Variants in FRMPD2 observed in about 807,000 individuals in gnomAD.
FRMPD2 encodes the protein FERM and PDZ domain containing 2, also known as FERM and PDZ domain-containing protein 2.
A neutral mutation model predicts 140.1 loss-of-function variants in FRMPD2; 96 were observed. That is an observed-to-expected ratio of 0.69 (90% CI 0.58 to 0.81). The LOEUF is 0.81. Among genes scored for constraint, FRMPD2 ranks in the 40% least tolerant of loss-of-function variants. The probability of loss-of-function intolerance (pLI) is 0.00; values close to 1 mark genes in which losing one functional copy is unlikely to be tolerated. For synonymous variants in FRMPD2, 449 were observed against 547.6 expected, an observed-to-expected ratio of 0.82 and a Z score of 2.52; for missense variants, 1,240 against 1,447.4, an observed-to-expected ratio of 0.86 and a Z score of 2.32.
At position 48,221,639 on chromosome 10, in the gene FRMPD2, A is replaced by T. The variant is rs979519635; in HGVS notation, c.1455+674T>A. 1.1e-4 allele frequency among the ~76,000 whole-genome samples: 16 copies of T among 152,250 alleles called. 1 individual carries two copies. Among genetic ancestry groups the T allele is most frequent in the African/African-American group, 3.9e-4 (16 of 41,474 alleles). On this transcript the variant is annotated intron_variant, in intron 12 of 28. Transcript: ENST00000374201. Reference sequence around the variant, plus strand: ...TTAAAAATAAAGGTTGGCTATTACTATTGATGATGGTGATTATGATAGGAA... The same window carrying T: ...TTAAAAATAAAGGTTGGCTATTACTTTTGATGATGGTGATTATGATAGGAA...
chr10:48,224,781 A>G (rs1364115426), intron 10 of FRMPD2, among the ~76,000 whole-genome samples: 1 of 152,174 alleles, frequency 6.6e-6, no homozygotes, highest in African/African-American at 2.4e-5. Context: ...CAGGTAGGAG[A>G]TAAGTGGATT....
intron 26 of FRMPD2, among the ~76,000 whole-genome samples, chr10:48,170,440 C>T (rs1227847267): frequency 6.6e-6 from 1 of 152,176 alleles, no homozygotes; most frequent in African/African-American, 2.4e-5. Context: ...CCCACTCTTC[C>T]TAGCCCTAGG....
At chr10:48,237,125 TA>T (rs10563330) in intron 8 of FRMPD2, among the ~76,000 whole-genome samples, 11,992 of 131,436 alleles carry the variant, frequency 0.091, 1,281 homozygotes, top group African/African-American at 0.27. Flanking sequence ...TCCTCACCTT[TA>T]AAAAAAAAAA....
In FRMPD2 at chr10:48,192,828, A is replaced by G; in HGVS notation, c.2021T>C (p.Ile674Thr). 1 of 1,614,134 alleles carries G rather than the reference A, an allele frequency of 6.2e-7. No homozygotes were observed. Among genetic ancestry groups the G allele is most frequent in the Non-Finnish European group, 8.5e-7 (1 of 1,180,018 alleles). The part of the protein sequence containing the change: ...PAHQARSKPL[I>T]WIQRLSCSEN... The stretch of plus-strand genomic sequence containing the variant: ...TGAGCATGACAATCTCTGAATCCAA[A>G]TGAGAGGCTTAGACCGGGCCTGGTG... The change falls in exon 16 of 29, where the codon ATT becomes ACT. Residue 674 changes from isoleucine to threonine, a missense_variant. This residue lies in a region of FRMPD2 where 1,161 missense variants were observed against 1,055.9 expected (regional missense o/e 1.10). Coordinates refer to ENST00000374201, the MANE Select transcript of FRMPD2 (RefSeq NM_001018071.4).
At chr10:48,251,490 C>A in intron 2 of FRMPD2, 76 bp downstream of exon 2, 1 of 1,563,192 alleles carries the variant, frequency 6.4e-7, no homozygotes, top group Non-Finnish European at 8.7e-7. Flanking sequence ...AAAGCAGCAG[C>A]AGCCAGAACT....
At chr10:48,246,767 AG>A in intron 3 of FRMPD2, among the ~76,000 whole-genome samples, 1 of 152,200 alleles carries the variant, frequency 6.6e-6, no homozygotes, top group Non-Finnish European at 1.5e-5. Context: ...CCTAGCTCCT[AG>A]CTGCCCAACC....
intron 13 of FRMPD2, among the ~76,000 whole-genome samples, chr10:48,207,691 C>T (rs761936885): frequency 6.6e-6 from 1 of 152,142 alleles, no homozygotes; most frequent in Non-Finnish European, 1.5e-5. Context: ...CGCCAGTCCC[C>T]ATCAGAAGGT....
At chr10:48,241,171 G>A (rs922322312) in intron 5 of FRMPD2, among the ~76,000 whole-genome samples, 12 of 152,092 alleles carry the variant, frequency 7.9e-5, no homozygotes, top group African/African-American at 2.7e-4. Context: ...GAGAGAAGGG[G>A]TCCAAGAAGG....
At chr10:48,195,807 A>G (rs933522036) in intron 15 of FRMPD2, among the ~76,000 whole-genome samples, 1 of 152,270 alleles carries the variant, frequency 6.6e-6, no homozygotes, top group Non-Finnish European at 1.5e-5. Flanking sequence ...AACATGTATT[A>G]ACCACTTCCC....
intron 15 of FRMPD2, among the ~76,000 whole-genome samples, chr10:48,200,878 C>T (rs574537027): frequency 1.4e-4 from 21 of 152,184 alleles, no homozygotes; most frequent in Admixed American, 3.3e-4. Flanking sequence ...AGTAGACATC[C>T]ATGGGCAGCA....
At chr10:48,199,195 T>C (rs945408256) in intron 15 of FRMPD2, among the ~76,000 whole-genome samples, 30 of 150,386 alleles carry the variant, frequency 2.0e-4, no homozygotes, top group African/African-American at 7.1e-4. Context: ...CACATAATAT[T>C]CCCATTTAAC....
At chr10:48,246,765 C>T (rs1427933367) in intron 3 of FRMPD2, among the ~76,000 whole-genome samples, 1 of 152,196 alleles carries the variant, frequency 6.6e-6, no homozygotes, top group Non-Finnish European at 1.5e-5. Flanking sequence ...CTCCTAGCTC[C>T]TAGCTGCCCA....
At chr10:48,257,298 G>A (rs539167577) in intron 1 of FRMPD2, among the ~76,000 whole-genome samples, 76 of 145,972 alleles carry the variant, frequency 5.2e-4, no homozygotes, top group African/African-American at 1.9e-3. Context: ...ATTATTATTT[G>A]AGGCAGAGTT....
intron 9 of FRMPD2, 101 bp downstream of exon 9, chr10:48,236,381 G>T: frequency 1.1e-6 from 1 of 916,790 alleles, no homozygotes; most frequent in Non-Finnish European, 1.8e-6. Flanking sequence ...ATGCCACTGG[G>T]GTGTTCCCAT....
intron 13 of FRMPD2, among the ~76,000 whole-genome samples, chr10:48,209,858 C>A (rs886325010): frequency 3.3e-5 from 5 of 151,906 alleles, no homozygotes; most frequent in Non-Finnish European, 7.4e-5. Flanking sequence ...TATTGGAAAC[C>A]ATTTATATGT....
chr10:48,233,248 T>A (rs572944136), intron 9 of FRMPD2, among the ~76,000 whole-genome samples: 1 of 152,204 alleles, frequency 6.6e-6, no homozygotes, highest in South Asian at 2.1e-4. Context: ...CCAGAGCAGA[T>A]CTGAGGACCC....
At chr10:48,205,867 A>G (rs1431114468) in intron 14 of FRMPD2, among the ~76,000 whole-genome samples, 1 of 152,244 alleles carries the variant, frequency 6.6e-6, no homozygotes, top group Non-Finnish European at 1.5e-5. Flanking sequence ...TAAAAGAAAC[A>G]TCCTGAAAAT....
intron 22 of FRMPD2, among the ~76,000 whole-genome samples, chr10:48,176,621 A>G (rs1554792210): frequency 1.5e-4 from 23 of 152,166 alleles, no homozygotes; most frequent in Non-Finnish European, 2.8e-4. Context: ...AGAAAATCCA[A>G]GTTTTTGCCA....
chr10:48,256,297 C>T (rs1394668181), intron 1 of FRMPD2, among the ~76,000 whole-genome samples: 1 of 151,020 alleles, frequency 6.6e-6, no homozygotes, highest in African/African-American at 2.4e-5. Flanking sequence ...CTGCAGGGAT[C>T]AGCCACCTCA....
Sources: gnomAD v4.1 joint callset for allele counts (sites outside exome capture counted in the v4.1 genomes callset) on GRCh38, gnomAD v4.1.1 for gene constraint, gnomAD v4.1.1 regional missense constraint, MANE v1.5 for transcripts, NCBI Gene and HGNC (gene_info 2026-07-23, HGNC 2026-07-21) for gene names.